The following CNTN4 variants were observed in gnomAD, a reference collection of about 807,000 sequenced individuals.
The protein encoded by CNTN4 is contactin-4.
In CNTN4, 77 loss-of-function variants were observed where a neutral mutation model predicts 122.5. That is an observed-to-expected ratio of 0.63 (90% CI 0.52 to 0.76). The LOEUF is 0.76. Ranked by LOEUF, CNTN4 falls within the 30% of genes least tolerant of loss-of-function variation. CNTN4 has a pLI of 0.00. For missense variants in CNTN4, 1,256 were observed against 1,259.1 expected (o/e 1.00, Z 0.04); for synonymous variants, 512 against 447.0 (o/e 1.15, Z -1.83).
chr3:2,781,945 G>A (rs537866371), intron 6 of CNTN4, among the ~76,000 whole-genome samples: 2 of 148,346 alleles, frequency 1.3e-5, no homozygotes, highest in African/African-American at 2.5e-5. Flanking sequence ...GGATGGTCTC[G>A]ATCTCCTGAC....
At chr3:2,821,364 G>T (rs2092867508) in intron 7 of CNTN4, among the ~76,000 whole-genome samples, 1 of 152,212 alleles carries the variant, frequency 6.6e-6, no homozygotes, top group Non-Finnish European at 1.5e-5. Flanking sequence ...TGCTTAGCAT[G>T]TGGTATGGAT....
intron 15 of CNTN4, among the ~76,000 whole-genome samples, chr3:3,030,023 T>A (rs1440034297): frequency 6.6e-6 from 1 of 152,176 alleles, no homozygotes; most frequent in Non-Finnish European, 1.5e-5. Flanking sequence ...TAGAATGAAG[T>A]GTACTTTTTC....
chr3:2,405,951 C>T (rs1032608316), intron 3 of CNTN4, among the ~76,000 whole-genome samples: 8 of 151,522 alleles, frequency 5.3e-5, no homozygotes, highest in South Asian at 2.1e-4. Flanking sequence ...TGCTAGAGTC[C>T]GGGAGGTCAA....
rs1412729669 is a variant in CNTN4 at position 2,287,601 on chromosome 3, T to G, written c.-144-51577T>G. On this transcript the variant is annotated intron_variant, in intron 2 of 24. Transcript: ENST00000418658. ...CTGGATGACAGAGTGAGACCCTGTCTAAAGAAAAGAAGGAGAAGGAGAAGG... is the reference window on the plus strand; with the variant it reads ...CTGGATGACAGAGTGAGACCCTGTCGAAAGAAAAGAAGGAGAAGGAGAAGG... Among the ~76,000 whole-genome samples, 5 of 135,872 alleles carry G rather than the reference T, an allele frequency of 3.7e-5. No individual in the cohort carries two copies. In the Admixed American group the frequency reaches 3.8e-4, roughly 10 times the overall value. 89.1% of individuals were successfully genotyped at this position (135,872 alleles called of 152,430 possible).
chr3:2,818,989 C>T (rs1211971278), intron 6 of CNTN4, among the ~76,000 whole-genome samples: 1 of 152,112 alleles, frequency 6.6e-6, no homozygotes, highest in African/African-American at 2.4e-5. Context: ...GTGAAGTGAA[C>T]AGAATTGTAT....
intron 7 of CNTN4, among the ~76,000 whole-genome samples, chr3:2,861,126 G>A (rs1229161061): frequency 1.3e-5 from 2 of 152,154 alleles, no homozygotes; most frequent in Non-Finnish European, 2.9e-5. Flanking sequence ...GGCAGGGAAG[G>A]TATTCTTTTA....
intron 23 of CNTN4, among the ~76,000 whole-genome samples, chr3:3,050,965 A>G (rs1356738639): frequency 6.6e-6 from 1 of 152,192 alleles, no homozygotes; most frequent in African/African-American, 2.4e-5. Flanking sequence ...TGTACAGCCC[A>G]CAGCCCACAG....
At chr3:2,592,158 G>T (rs2080526385) in intron 4 of CNTN4, among the ~76,000 whole-genome samples, 1 of 152,122 alleles carries the variant, frequency 6.6e-6, no homozygotes, top group Non-Finnish European at 1.5e-5. Context: ...TGGACTTAGA[G>T]GCATGAGCCA....
At chr3:2,756,561 T>G (rs1458705013) in intron 6 of CNTN4, among the ~76,000 whole-genome samples, 1 of 152,206 alleles carries the variant, frequency 6.6e-6, no homozygotes, top group East Asian at 1.9e-4. Flanking sequence ...TCAAAAAATG[T>G]GTCTACCTGG....
intron 2 of CNTN4, among the ~76,000 whole-genome samples, chr3:2,171,024 A>G (rs2149242116): frequency 6.6e-6 from 1 of 152,346 alleles, no homozygotes; most frequent in East Asian, 1.9e-4. Context: ...CTAACTTTTA[A>G]GCAAGGACTT....
intron 6 of CNTN4, among the ~76,000 whole-genome samples, chr3:2,750,378 A>G (rs776980450): frequency 1.3e-4 from 20 of 152,354 alleles, no homozygotes; most frequent in Non-Finnish European, 8.8e-5. Context: ...GCTTTTGTGC[A>G]CAGAACTTAG....
chr3:2,202,041 CTT>C (rs1298360301), intron 2 of CNTN4, among the ~76,000 whole-genome samples: 2 of 152,138 alleles, frequency 1.3e-5, no homozygotes, highest in Non-Finnish European at 2.9e-5. Context: ...GACTGAAGCT[CTT>C]AACTCATCTA....
chr3:2,253,329 A>G (rs2040447497), intron 2 of CNTN4, among the ~76,000 whole-genome samples: 1 of 152,154 alleles, frequency 6.6e-6, no homozygotes, highest in Admixed American at 6.6e-5. Context: ...GTAGCCTTAT[A>G]GCCTTTTTAA....
At chr3:2,515,722 C>G (rs144076651) in intron 3 of CNTN4, among the ~76,000 whole-genome samples, 1 of 151,990 alleles carries the variant, frequency 6.6e-6, no homozygotes, top group African/African-American at 2.4e-5. Flanking sequence ...TTGATATACT[C>G]GAACCAACTT....
chr3:2,558,562 A>G (rs2078817502), intron 3 of CNTN4, among the ~76,000 whole-genome samples: 1 of 152,184 alleles, frequency 6.6e-6, no homozygotes, highest in African/African-American at 2.4e-5. Flanking sequence ...CAAAGGGCAC[A>G]CGAGGCCAGT....
chr3:2,883,176 A>C lies in CNTN4; in HGVS notation c.684A>C (p.Glu228Asp). 6.2e-7 allele frequency: 1 copy of C among 1,613,858 alleles called. No individual in the cohort carries two copies. Residue 228 changes from glutamate to aspartate, a missense_variant, in exon 9 of 25, where the codon GAA (glutamate) becomes GAC (aspartate). Physicochemically the swap from Glu to Asp is conservative, Grantham distance 45. Transcript: ENST00000418658. ...GVMGEYEPKI[E>D]VQFPETVPTA... Reference sequence around the variant, plus strand: ...TGGGTGAATATGAGCCCAAAATAGAAGTGCAGTTCCCAGAAACAGTTCCGA... The same window carrying C: ...TGGGTGAATATGAGCCCAAAATAGACGTGCAGTTCCCAGAAACAGTTCCGA...
At chr3:2,846,763 G>A (rs930497837) in intron 7 of CNTN4, among the ~76,000 whole-genome samples, 5 of 152,122 alleles carry the variant, frequency 3.3e-5, no homozygotes, top group Non-Finnish European at 5.9e-5. Context: ...TAGGGAGGCC[G>A]AGGCAGGCCG....
intron 4 of CNTN4, among the ~76,000 whole-genome samples, chr3:2,731,439 A>C (rs956588135): frequency 1.4e-4 from 22 of 152,130 alleles, no homozygotes; most frequent in Non-Finnish European, 2.5e-4. Flanking sequence ...GGAGAAACAA[A>C]CTCAGGAAAT....
chr3:2,616,961 C>T lies in CNTN4; in HGVS notation c.55+45403C>T, dbSNP rs987848396. Among the ~76,000 whole-genome samples, 4 of 152,184 alleles carry T rather than the reference C, an allele frequency of 2.6e-5. No homozygotes were observed. The South Asian group carries it at 8.3e-4, about 32-fold the overall frequency. On this transcript the variant is annotated intron_variant, in intron 4 of 24. Coordinates refer to ENST00000418658, the MANE Select transcript of CNTN4 (RefSeq NM_175607.3). ...ATACGCAGAAAACTGAAACTGAACC[C>T]CCTCCTTACACCTTATACGAAAATT...
Sources: allele counts gnomAD v4.1 joint callset (sites outside exome capture counted in the v4.1 genomes callset), GRCh38; gene constraint gnomAD v4.1.1; transcripts MANE v1.5; gene names NCBI Gene and HGNC (gene_info 2026-07-23, HGNC 2026-07-21).